The following PRKN variants were observed in gnomAD, a reference collection of about 807,000 sequenced individuals.
PRKN encodes E3 ubiquitin-protein ligase parkin.
PRKN carries 56 observed loss-of-function variants against 59.5 expected under a neutral mutation model. The ratio of observed to expected loss-of-function variants is 0.94; its 90% CI spans 0.76 to 1.18. PRKN has a LOEUF of 1.18. Among genes scored for constraint, PRKN ranks in the 50% most tolerant of loss-of-function variants. PRKN has a pLI of 0.00. For missense variants in PRKN, 657 were observed against 596.4 expected, an observed-to-expected ratio of 1.10 and a Z score of -1.06; for synonymous variants, 250 against 222.1, an observed-to-expected ratio of 1.13 and a Z score of -1.12.
intron 1 of PRKN, among the ~76,000 whole-genome samples, chr6:162,667,853 T>C (rs1232470083): frequency 1.3e-5 from 2 of 152,130 alleles, no homozygotes; most frequent in African/African-American, 4.8e-5. Context: ...ACTTATCTCT[T>C]AGGGTTGTTA....
chr6:161,628,260 G>C (rs1339194300), intron 7 of PRKN, among the ~76,000 whole-genome samples: 1 of 152,186 alleles, frequency 6.6e-6, no homozygotes, highest in Non-Finnish European at 1.5e-5. Context: ...GCTGTAACAA[G>C]ATACTATAGA....
intron 7 of PRKN, among the ~76,000 whole-genome samples, chr6:161,679,880 C>G (rs1446918382): frequency 6.6e-6 from 1 of 151,498 alleles, no homozygotes; most frequent in Non-Finnish European, 1.5e-5. Flanking sequence ...TCAGCCCCCC[C>G]AGGAGCTGGG....
In PRKN at chr6:162,727,714, G is replaced by A. The variant is rs369389244; in HGVS notation, c.-46C>T. On this transcript the variant is annotated 5_prime_UTR_variant, in exon 1 of 12. Coordinates refer to ENST00000366898, the MANE Select transcript of PRKN (RefSeq NM_004562.3). The stretch of plus-strand genomic sequence containing the variant: ...CTGCGGGCCAGGAACAGGCCCATGC[G>A]CGCAGCGGCGCCAGCCGCGCCTCCC... 6.8e-5 allele frequency: 105 copies of A among 1,551,056 alleles called. No homozygotes were observed. Among genetic ancestry groups the A allele is most frequent in the Non-Finnish European group, 8.3e-5 (95 of 1,146,842 alleles).
intron 5 of PRKN, among the ~76,000 whole-genome samples, chr6:162,037,794 C>T (rs1331828209): frequency 1.3e-5 from 2 of 152,050 alleles, no homozygotes; most frequent in Non-Finnish European, 2.9e-5. Flanking sequence ...ATCCACCCGC[C>T]TCAGCCTCCC....
chr6:161,673,282 G>A (rs544522438), intron 7 of PRKN, among the ~76,000 whole-genome samples: 1 of 152,282 alleles, frequency 6.6e-6, no homozygotes, highest in Admixed American at 6.5e-5. Context: ...GGTGGGGGCT[G>A]GGAATGCCTG....
chr6:161,477,972 AACGGTTGT>A (rs1791193083), intron 9 of PRKN, among the ~76,000 whole-genome samples: 1 of 152,210 alleles, frequency 6.6e-6, no homozygotes, highest in South Asian at 2.1e-4. Flanking sequence ...AGTGCAAATG[AACGGTTGT>A]ACCTGAGCTG....
chr6:161,711,177 T>C (rs1447084667), intron 7 of PRKN, among the ~76,000 whole-genome samples: 1 of 152,134 alleles, frequency 6.6e-6, no homozygotes, highest in African/African-American at 2.4e-5. Flanking sequence ...TTGAAAAACA[T>C]GAAAAGCATT....
At chr6:162,234,793 T>C (rs75599293) in intron 3 of PRKN, among the ~76,000 whole-genome samples, 12,789 of 152,274 alleles carry the variant, frequency 0.084, 708 homozygotes, top group African/African-American at 0.16. Flanking sequence ...ACACCGTCTG[T>C]GTTATCACTT....
chr6:161,618,174 A>C (rs145289570), intron 7 of PRKN, among the ~76,000 whole-genome samples: 4 of 152,214 alleles, frequency 2.6e-5, no homozygotes, highest in Admixed American at 2.6e-4. Flanking sequence ...CCTATCGTAC[A>C]TGAAGTGTTT....
chr6:161,829,157 C>T (rs1051643528), intron 6 of PRKN, among the ~76,000 whole-genome samples: 4 of 151,840 alleles, frequency 2.6e-5, no homozygotes, highest in Non-Finnish European at 5.9e-5. Context: ...ACCTGAGAGG[C>T]GGAGGTTGCA....
intron 5 of PRKN, among the ~76,000 whole-genome samples, chr6:161,998,131 A>AT (rs1197055038): frequency 6.6e-6 from 1 of 152,056 alleles, no homozygotes; most frequent in Admixed American, 6.6e-5. Flanking sequence ...CTTTATAGGG[A>AT]TTTTTGGGAA....
intron 6 of PRKN, among the ~76,000 whole-genome samples, chr6:161,809,772 T>C (rs1791486514): frequency 6.6e-6 from 1 of 152,090 alleles, no homozygotes; most frequent in African/African-American, 2.4e-5. Context: ...AAGTCCCACA[T>C]CATCAACAGA....
rs1441364528 is a variant in PRKN, at chr6:161,456,901, C to T, written c.1084-70024G>A. Among the ~76,000 whole-genome samples the T allele has an allele frequency of 6.6e-6, 1 of 152,186 alleles. No individual in the cohort carries two copies. Among genetic ancestry groups the T allele is most frequent in the Non-Finnish European group, 1.5e-5 (1 of 68,042 alleles). ...TCCTAGGCAAACAGAGGTAGTGTGG[C>T]AGCTGGAAGAGGCCTGGAGTGGTAC... On this transcript the variant is annotated intron_variant, in intron 9 of 11. Coordinates refer to ENST00000366898, the MANE Select transcript of PRKN (RefSeq NM_004562.3). This position sits in a 1 kb window ranked among gnomAD's most constrained non-coding sequence, Gnocchi z 4.8.
In PRKN at chr6:161,785,729, C is replaced by A. The variant is rs758069528; in HGVS notation, c.871+43G>T. The stretch of plus-strand genomic sequence containing the variant: ...TTACATCAATAATTGTTCTTCTGTT[C>A]TTCATTAGCATTAGAGATGGAGAGA... On this transcript the variant is annotated intron_variant, in intron 7 of 11. Transcript: ENST00000366898. 3 of 1,600,120 alleles carry A rather than the reference C, an allele frequency of 1.9e-6. No individual in the cohort carries two copies. The South Asian group carries it at 3.3e-5, about 18-fold the overall frequency.
chr6:162,548,093 C>T (rs573906544), intron 1 of PRKN, among the ~76,000 whole-genome samples: 1 of 152,220 alleles, frequency 6.6e-6, no homozygotes, highest in East Asian at 1.9e-4. Context: ...CGGAGTCTCG[C>T]TCTGTCACCA....
chr6:162,451,418 C>T (rs914639584), intron 1 of PRKN, among the ~76,000 whole-genome samples: 6 of 139,390 alleles, frequency 4.3e-5, no homozygotes, highest in Non-Finnish European at 9.4e-5. Context: ...GACAGATAAT[C>T]AGAGAAATAG....
At chr6:162,414,725 A>AG (rs1788534792) in intron 2 of PRKN, among the ~76,000 whole-genome samples, 2 of 73,004 alleles carry the variant, frequency 2.7e-5, no homozygotes, top group South Asian at 4.2e-4. Flanking sequence ...AAAAAAAAAA[A>AG]AAGTGAATCT....
intron 8 of PRKN, among the ~76,000 whole-genome samples, chr6:161,564,772 TG>T (rs1451744196): frequency 6.6e-6 from 1 of 152,206 alleles, no homozygotes; most frequent in Non-Finnish European, 1.5e-5. Flanking sequence ...TTTGCAATTC[TG>T]GAAGATCTCA....
intron 7 of PRKN, among the ~76,000 whole-genome samples, chr6:161,733,818 A>ATG (rs1352648727): frequency 1.4e-5 from 2 of 144,216 alleles, no homozygotes; most frequent in Non-Finnish European, 3.0e-5. Flanking sequence ...ATATATATAT[A>ATG]TATGTATTCC....
Sources: allele counts gnomAD v4.1 joint callset (sites outside exome capture counted in the v4.1 genomes callset), GRCh38; gene constraint gnomAD v4.1.1; non-coding constraint Gnocchi (gnomAD v3.1); transcripts MANE v1.5; gene names NCBI Gene and HGNC (gene_info 2026-07-23, HGNC 2026-07-21).